The following ARHGAP10 variants were observed in gnomAD, a reference collection of about 807,000 sequenced individuals.
ARHGAP10 encodes Rho GTPase activating protein 10.
In ARHGAP10, 87 loss-of-function variants were observed where a neutral mutation model predicts 108.6. That is an observed-to-expected ratio of 0.80 (90% confidence interval 0.67 to 0.96). The LOEUF (loss-of-function observed/expected upper bound fraction) is 0.96, where lower values mean the gene tolerates loss of function less well. Among genes scored for constraint, ARHGAP10 ranks in the 40% least tolerant of loss-of-function variants. ARHGAP10 has a pLI of 0.00. For missense variants in ARHGAP10, 939 were observed against 954.5 expected (o/e 0.98, Z 0.21); for synonymous variants, 347 against 341.1 (o/e 1.02, Z -0.19).
At chr4:147,955,190 A>T in intron 15 of ARHGAP10, 126 bp from the exon 16 acceptor site, 1 of 831,572 alleles carries the variant, frequency 1.2e-6, no homozygotes. Context: ...ATGTAAAGGT[A>T]TTCCCTAGGG....
intron 14 of ARHGAP10, among the ~76,000 whole-genome samples, chr4:147,944,441 T>C (rs1738292189): frequency 6.6e-6 from 1 of 152,230 alleles, no homozygotes; most frequent in East Asian, 1.9e-4. Context: ...ATATGTATGA[T>C]GCTATGCCTG....
chr4:147,796,371 T>G (rs891001486), intron 1 of ARHGAP10, among the ~76,000 whole-genome samples: 2 of 152,040 alleles, frequency 1.3e-5, no homozygotes, highest in African/African-American at 4.8e-5. Flanking sequence ...GCATTTTTTT[T>G]AAAAGCGTAG....
intron 18 of ARHGAP10, among the ~76,000 whole-genome samples, chr4:147,989,252 C>T (rs943505911): frequency 7.9e-5 from 12 of 152,154 alleles, no homozygotes; most frequent in African/African-American, 2.7e-4. Context: ...AATAGAATAT[C>T]ACAAGGCAAG....
intron 4 of ARHGAP10, among the ~76,000 whole-genome samples, chr4:147,850,825 C>G (rs912467072): frequency 1.3e-5 from 2 of 152,314 alleles, no homozygotes; most frequent in Admixed American, 1.3e-4. Context: ...TCTTTTGAAG[C>G]TCCTTCACCC....
chr4:147,951,628 A>G (rs532169328), intron 15 of ARHGAP10, among the ~76,000 whole-genome samples: 10 of 152,074 alleles, frequency 6.6e-5, no homozygotes, highest in Admixed American at 2.6e-4. Context: ...AAAACATTAA[A>G]AAAAAATAGA....
intron 1 of ARHGAP10, among the ~76,000 whole-genome samples, chr4:147,794,692 C>T (rs1036062364): frequency 6.6e-6 from 1 of 152,160 alleles, no homozygotes; most frequent in Non-Finnish European, 1.5e-5. Flanking sequence ...ATTGTTCATT[C>T]CCATTGCCAT....
intron 14 of ARHGAP10, among the ~76,000 whole-genome samples, chr4:147,945,538 G>A (rs1055483256): frequency 2.0e-5 from 3 of 152,172 alleles, no homozygotes; most frequent in African/African-American, 7.2e-5. Context: ...GTGTTAATGT[G>A]AAAGGTTAAC....
At chr4:147,917,783 T>C (rs1023303283) in intron 13 of ARHGAP10, among the ~76,000 whole-genome samples, 2 of 152,216 alleles carry the variant, frequency 1.3e-5, no homozygotes, top group African/African-American at 4.8e-5. Context: ...TTTCATGTAG[T>C]TTTTGATCAT....
chr4:147,811,716 T>G (rs1349396001), intron 1 of ARHGAP10, among the ~76,000 whole-genome samples: 1 of 152,240 alleles, frequency 6.6e-6, no homozygotes, highest in African/African-American at 2.4e-5. Context: ...GTTTTACAAG[T>G]TGACATTTGT....
At chr4:147,972,305 G>A (rs1249910942) in intron 18 of ARHGAP10, among the ~76,000 whole-genome samples, 1 of 152,098 alleles carries the variant, frequency 6.6e-6, no homozygotes, top group African/African-American at 2.4e-5. Context: ...GCTTCTTTGT[G>A]TATCCATACA....
chr4:147,863,762 A>T (rs1375555305), intron 5 of ARHGAP10: 1 of 152,232 alleles, frequency 6.6e-6, no homozygotes, highest in East Asian at 1.9e-4. Flanking sequence ...AGTGTTAGGT[A>T]GAAATGTTCA....
At chr4:147,964,998 C>T (rs1203114955) in intron 16 of ARHGAP10, 26 bp from the exon 17 acceptor site, 3 of 1,457,296 alleles carry the variant, frequency 2.1e-6, no homozygotes, top group Non-Finnish European at 1.8e-6. Flanking sequence ...TTATTTTTTT[C>T]TTTATTATTA....
chr4:147,990,131 C>T (rs1041936157), intron 18 of ARHGAP10, among the ~76,000 whole-genome samples: 4 of 152,194 alleles, frequency 2.6e-5, no homozygotes, highest in African/African-American at 9.6e-5. Context: ...AGAAGGCACC[C>T]CGTCCTTCAG....
intron 1 of ARHGAP10, among the ~76,000 whole-genome samples, chr4:147,818,250 G>A (rs974562327): frequency 1.1e-4 from 17 of 151,040 alleles, no homozygotes; most frequent in African/African-American, 1.7e-4. Flanking sequence ...GTCAATTAGC[G>A]TAGAGCAGGC....
intron 3 of ARHGAP10, among the ~76,000 whole-genome samples, chr4:147,832,666 G>GAAAAAAAAAAAAAAAAAAA (rs1165230059): frequency 2.2e-5 from 1 of 45,756 alleles, no homozygotes. Flanking sequence ...AAAAAAAAAG[G>GAAAAAAAAAAAAAAAAAAA]AAATTGGAGC....
At chr4:147,914,670 G>A (rs561157553) in intron 13 of ARHGAP10, among the ~76,000 whole-genome samples, 18 of 149,334 alleles carry the variant, frequency 1.2e-4, no homozygotes, top group Admixed American at 5.4e-4. Context: ...GAGATTCATC[G>A]GTTGGGTGGA....
chr4:147,873,681 A>AACACACAAACACACAC (rs1553958995), intron 7 of ARHGAP10, among the ~76,000 whole-genome samples: 1 of 98,720 alleles, frequency 1.0e-5, no homozygotes, highest in Non-Finnish European at 2.0e-5. Context: ...CAAAAAACAA[A>AACACACAAACACACAC]ACACACACAC....
chr4:147,827,936 GC>G (rs1421133104), intron 3 of ARHGAP10, among the ~76,000 whole-genome samples: 5 of 152,124 alleles, frequency 3.3e-5, no homozygotes, highest in Non-Finnish European at 5.9e-5. Flanking sequence ...CTCCTGAGTA[GC>G]GGGGACTACA....
intron 1 of ARHGAP10, among the ~76,000 whole-genome samples, chr4:147,784,053 T>C (rs1730695578): frequency 7.0e-6 from 1 of 143,310 alleles, no homozygotes; most frequent in Non-Finnish European, 1.5e-5. Context: ...TATTATATAT[T>C]TTACATAACA....
Sources: allele counts gnomAD v4.1 joint callset (sites outside exome capture counted in the v4.1 genomes callset), GRCh38; gene constraint gnomAD v4.1.1; transcripts MANE v1.5; gene names NCBI Gene and HGNC (gene_info 2026-07-23, HGNC 2026-07-21).